ERC2: variants seen among roughly 807,000 people sequenced by gnomAD.
ERC2 encodes ELKS/RAB6-interacting/CAST family member 2.
A neutral mutation model predicts 114.8 loss-of-function variants in ERC2; 42 were observed. The observed-to-expected ratio is 0.37, with a 90% CI of 0.29 to 0.47. ERC2 has a LOEUF of 0.47. ERC2 is among the 20% of genes least tolerant of loss of function. The pLI, the probability that ERC2 is intolerant of heterozygous loss-of-function variation, is 0.99. For synonymous variants in ERC2, 454 were observed against 425.5 expected (o/e 1.07, Z -0.82); for missense variants, 939 against 1,150.7 (o/e 0.82, Z 2.66).
chr3:55,517,446 C>CAA (rs11309251), intron 17 of ERC2, among the ~76,000 whole-genome samples: 3,476 of 89,980 alleles, frequency 0.039, 107 homozygotes, highest in Middle Eastern at 0.083. Context: ...GACTCCGTCT[C>CAA]AAAAAAAAAA....
At chr3:55,605,284 T>C (rs1206297637) in intron 17 of ERC2, among the ~76,000 whole-genome samples, 1 of 152,028 alleles carries the variant, frequency 6.6e-6, no homozygotes, top group Non-Finnish European at 1.5e-5. Context: ...CCTAGCCAAT[T>C]ATTTTATTCT....
rs376451035 is a variant in ERC2, at chr3:55,537,134, G to T, written c.*40-25858C>A. Among the ~76,000 whole-genome samples, 121 of 152,284 alleles carry T rather than the reference G, an allele frequency of 7.9e-4. No individual in the cohort carries two copies. In the Middle Eastern group the frequency reaches 0.017, roughly 21 times the overall value. The stretch of plus-strand genomic sequence containing the variant: ...TCCTTTGCCAGCATGCTGGGAGGCC[G>T]CATGGGCTCCACCGACACCGGTAAC... On this transcript the variant is annotated intron_variant, in intron 17 of 17. Transcript: ENST00000288221.
chr3:55,799,101 T>C (rs912768221), intron 14 of ERC2, among the ~76,000 whole-genome samples: 2 of 152,000 alleles, frequency 1.3e-5, no homozygotes, highest in African/African-American at 4.8e-5. Flanking sequence ...GCAGGGCTAG[T>C]AGGGGCCATG....
intron 12 of ERC2, 148 bp downstream of exon 12, chr3:55,985,829 A>G: frequency 3.0e-6 from 2 of 677,572 alleles, no homozygotes; most frequent in Non-Finnish European, 5.0e-6. Context: ...CATAAAATAA[A>G]CCTTCCCAAG....
At chr3:55,528,534 CAA>C (rs555443938) in intron 17 of ERC2, among the ~76,000 whole-genome samples, 1 of 146,136 alleles carries the variant, frequency 6.8e-6, no homozygotes, top group Admixed American at 6.8e-5. Context: ...CTTTATTTGA[CAA>C]AAAAAAAAAT....
chr3:56,435,750 T>C (rs1398086468), intron 1 of ERC2, among the ~76,000 whole-genome samples: 1 of 152,186 alleles, frequency 6.6e-6, no homozygotes, highest in African/African-American at 2.4e-5. Context: ...TATTAACACA[T>C]GAATTCAAAC....
chr3:56,106,235 CCA>C (rs895128334), intron 6 of ERC2, among the ~76,000 whole-genome samples: 2 of 152,150 alleles, frequency 1.3e-5, no homozygotes, highest in African/African-American at 4.8e-5. Flanking sequence ...ACAGGAAGAA[CCA>C]CAGTGAAGAG....
intron 7 of ERC2, among the ~76,000 whole-genome samples, chr3:56,063,730 T>C (rs924418622): frequency 2.0e-5 from 3 of 152,206 alleles, no homozygotes; most frequent in Non-Finnish European, 4.4e-5. Context: ...GAAGCATGCA[T>C]GTATGTATGC....
intron 14 of ERC2, 150 bp from the exon 15 acceptor site, chr3:55,735,068 A>G (rs1378158915): frequency 1.3e-5 from 11 of 869,238 alleles, no homozygotes; most frequent in Non-Finnish European, 1.8e-5. Flanking sequence ...TTTGGCTTTC[A>G]GAATGGACAA....
intron 14 of ERC2, among the ~76,000 whole-genome samples, chr3:55,866,964 A>T (rs2062347189): frequency 6.6e-6 from 1 of 152,176 alleles, no homozygotes; most frequent in Admixed American, 6.5e-5. Flanking sequence ...TATATAATAT[A>T]AAAATGGTTA....
chr3:56,377,262 T>A (rs2059581725), intron 2 of ERC2, among the ~76,000 whole-genome samples: 1 of 152,100 alleles, frequency 6.6e-6, no homozygotes, highest in Admixed American at 6.6e-5. Flanking sequence ...ACATAAACAA[T>A]CTTCTACTAG....
rs1397618920 is a variant in ERC2 at position 56,377,649 on chromosome 3, G to A, written c.657+56702C>T. ...GCCCCCCAAAAAAGATAACAAATGGGAGATCATATCGTATTAAAAATAACC... is the reference window on the plus strand; with the variant it reads ...GCCCCCCAAAAAAGATAACAAATGGAAGATCATATCGTATTAAAAATAACC... On this transcript the variant is annotated intron_variant, in intron 2 of 17. Transcript: ENST00000288221. Among the ~76,000 whole-genome samples the A allele has an allele frequency of 2.6e-5, 4 of 152,244 alleles. 1 individual carries two copies. The East Asian group carries it at 7.7e-4, about 29-fold the overall frequency.
At chr3:55,848,633 G>T (rs1038172581) in intron 14 of ERC2, among the ~76,000 whole-genome samples, 1 of 152,046 alleles carries the variant, frequency 6.6e-6, no homozygotes, top group African/African-American at 2.4e-5. Flanking sequence ...CATTCTCTAA[G>T]CTCACCACAT....
chr3:55,959,298 G>A (rs756377968), intron 12 of ERC2, among the ~76,000 whole-genome samples: 13 of 152,098 alleles, frequency 8.5e-5, no homozygotes, highest in African/African-American at 2.7e-4. Context: ...ACATTCTCCC[G>A]TATTCTGACC....
chr3:55,762,101 T>G (rs1349878706), intron 14 of ERC2, among the ~76,000 whole-genome samples: 1 of 151,968 alleles, frequency 6.6e-6, no homozygotes, highest in African/African-American at 2.4e-5. Context: ...ACCTCTTTCC[T>G]TATAAATTAC....
chr3:56,127,454 G>A lies in ERC2; in HGVS notation c.1473+12055C>T, dbSNP rs144040318. On this transcript the variant is annotated intron_variant, in intron 6 of 17. Transcript: ENST00000288221. ...CTATAGTAAACAAACCAGGCTGGCC[G>A]CAGTAGCTCACACCTGTAATCCCAG... Among the ~76,000 whole-genome samples the A allele has an allele frequency of 2.0e-4, 31 of 152,276 alleles. No individual in the cohort carries two copies. In the East Asian group the frequency reaches 5.2e-3, roughly 26 times the overall value.
intron 14 of ERC2, among the ~76,000 whole-genome samples, chr3:55,803,620 A>G (rs1429012343): frequency 6.6e-6 from 1 of 151,634 alleles, no homozygotes; most frequent in Non-Finnish European, 1.5e-5. Context: ...TATCAGTTTA[A>G]CTGCCAATAT....
chr3:56,100,206 G>A (rs887745077), intron 6 of ERC2, among the ~76,000 whole-genome samples: 21 of 152,192 alleles, frequency 1.4e-4, no homozygotes, highest in Admixed American at 5.9e-4. Flanking sequence ...TTTGAATAAC[G>A]TTATTTTTCA....
At chr3:55,984,746 G>A (rs988357795) in intron 12 of ERC2, among the ~76,000 whole-genome samples, 1 of 152,140 alleles carries the variant, frequency 6.6e-6, no homozygotes, top group Non-Finnish European at 1.5e-5. Context: ...GAACTTTTGA[G>A]AATGACGCTT....
Sources: gnomAD v4.1 joint callset for allele counts (sites outside exome capture counted in the v4.1 genomes callset) on GRCh38, gnomAD v4.1.1 for gene constraint, MANE v1.5 for transcripts, NCBI Gene and HGNC (gene_info 2026-07-23, HGNC 2026-07-21) for gene names.